The following CTNND1 variants were observed in gnomAD, a reference collection of about 807,000 sequenced individuals.
The protein encoded by CTNND1 is catenin delta-1.
A neutral mutation model predicts 112.1 loss-of-function variants in CTNND1; 16 were observed. That is an observed-to-expected ratio of 0.14 (90% CI 0.10 to 0.22). The LOEUF (loss-of-function observed/expected upper bound fraction) is 0.22. CTNND1 is among the 10% of genes least tolerant of loss of function. The pLI is 1.00. For synonymous variants in CTNND1, 420 were observed against 446.5 expected (o/e 0.94, Z 0.75); for missense variants, 1,008 against 1,257.0 (o/e 0.80, Z 3.00).
intron 1 of CTNND1, among the ~76,000 whole-genome samples, chr11:57,785,077 C>T (rs1033846402): frequency 5.3e-5 from 8 of 152,128 alleles, no homozygotes; most frequent in African/African-American, 1.9e-4. Flanking sequence ...TCTTTTGACC[C>T]CTAATCTGGA....
At chr11:57,811,332 C>A in intron 16 of CTNND1, 67 bp from the exon 17 acceptor site, 1 of 1,265,922 alleles carries the variant, frequency 7.9e-7, no homozygotes, top group Non-Finnish European at 1.1e-6. Flanking sequence ...AGGTTTATGC[C>A]CATTAGAGCA....
chr11:57,813,583 A>C (rs541472171), intron 17 of CTNND1, among the ~76,000 whole-genome samples: 1 of 152,368 alleles, frequency 6.6e-6, no homozygotes, highest in Non-Finnish European at 1.5e-5. Context: ...ATTCCACATT[A>C]CTGTCAACCT....
rs539528545 is a variant in CTNND1 at position 57,767,140 on chromosome 11, T to C, written c.-214+5021T>C. On this transcript the variant is annotated intron_variant, in intron 1 of 20. Coordinates refer to ENST00000399050, the MANE Select transcript of CTNND1 (RefSeq NM_001085458.2). ...GTGCGCGCCACCACGCCCTGCTAAT[T>C]TTTTGTATATTTAGTAGGGATGGGT... Among the ~76,000 whole-genome samples, 5 of 152,118 alleles carry C rather than the reference T, an allele frequency of 3.3e-5. No individual in the cohort carries two copies. In the East Asian group the frequency reaches 5.8e-4, roughly 18 times the overall value.
intron 1 of CTNND1, among the ~76,000 whole-genome samples, chr11:57,786,840 AC>A: frequency 6.6e-6 from 1 of 151,988 alleles, no homozygotes; most frequent in East Asian, 1.9e-4. Flanking sequence ...ACAAAGTAGA[AC>A]CCTTTTCTTT....
Position 57,796,787 on chromosome 11 carries a change from C to T in CTNND1, c.751C>T (p.Pro251Ser). 1.9e-6 allele frequency: 3 copies of T among 1,609,806 alleles called. No individual in the cohort carries two copies. Among genetic ancestry groups the T allele is most frequent in the South Asian group, 1.1e-5 (1 of 90,718 alleles). Residue 251 changes from proline (P) to serine (S), a missense_variant, in exon 6 of 21, where the codon CCT becomes TCT. Transcript: ENST00000399050. The part of the protein sequence containing the change: ...YRPSMEGYRA[P>S]SRQDVYGPQP... ...GCCCAGCATGGAAGGCTACCGGGCA[C>T]CTAGTAGACAGGATGTGTATGGGCC...
chr11:57,812,733 C>G lies in CTNND1; in HGVS notation c.2638+1247C>G, dbSNP rs543760396. ...GTCTCCCTATGTTACCCAGGCTGGTCTTGAACTCCTGGGGTCAAGCGATCC... is the reference window on the plus strand; with the variant it reads ...GTCTCCCTATGTTACCCAGGCTGGTGTTGAACTCCTGGGGTCAAGCGATCC... On this transcript the variant is annotated intron_variant, in intron 17 of 20. Coordinates refer to ENST00000399050, the MANE Select transcript of CTNND1 (RefSeq NM_001085458.2). Among the ~76,000 whole-genome samples the G allele has an allele frequency of 3.9e-5, 6 of 152,146 alleles. 1 individual carries two copies. The South Asian group carries it at 1.2e-3, about 32-fold the overall frequency.
At chr11:57,784,441 C>T (rs1488820248) in intron 1 of CTNND1, among the ~76,000 whole-genome samples, 1 of 150,522 alleles carries the variant, frequency 6.6e-6, no homozygotes, top group Non-Finnish European at 1.5e-5. Context: ...CCTAGAACGA[C>T]ATGGAAATGG....
chr11:57,778,651 G>A (rs1276138725), intron 1 of CTNND1, among the ~76,000 whole-genome samples: 1 of 152,236 alleles, frequency 6.6e-6, no homozygotes, highest in Non-Finnish European at 1.5e-5. Flanking sequence ...GGGGGCTCTG[G>A]CCCGTGATTG....
rs780710869 is a variant in CTNND1, at chr11:57,809,384, G to T, written c.2353G>T (p.Val785Phe). 1.9e-6 allele frequency: 3 copies of T among 1,613,822 alleles called. No homozygotes were observed. Among genetic ancestry groups the T allele is most frequent in the East Asian group, 4.5e-5 (2 of 44,896 alleles). ...VISILNTINEVIAENLEAAKK... is the reference protein window; with the variant it reads ...VISILNTINEFIAENLEAAKK... The stretch of plus-strand genomic sequence containing the variant: ...CTCTATTTTGAACACTATCAACGAG[G>T]TTATCGCTGAGAACTTGGAGGCTGC... Residue 785 changes from valine (V) to phenylalanine (F), a missense_variant, in exon 15 of 21, where the codon GTT (valine) becomes TTT (phenylalanine). Val to Phe is a conservative substitution (Grantham distance 50). This residue lies in a region of CTNND1 where 254 missense variants were observed against 279.5 expected (regional missense o/e 0.91). Transcript: ENST00000399050.
intron 4 of CTNND1, among the ~76,000 whole-genome samples, 173 bp from the exon 5 acceptor site, chr11:57,795,404 G>C (rs368814430): frequency 6.6e-6 from 1 of 152,168 alleles, no homozygotes; most frequent in African/African-American, 2.4e-5. Context: ...TATGTCTACT[G>C]TCCTTTTGTA....
chr11:57,812,542 T>C (rs1024016863), intron 17 of CTNND1, among the ~76,000 whole-genome samples: 3 of 152,052 alleles, frequency 2.0e-5, no homozygotes, highest in African/African-American at 7.2e-5. Flanking sequence ...AAAATCACTT[T>C]TATTGTTTTT....
intron 1 of CTNND1, among the ~76,000 whole-genome samples, chr11:57,777,944 G>A (rs867030950): frequency 1.3e-5 from 2 of 152,204 alleles, no homozygotes; most frequent in Admixed American, 6.5e-5. Context: ...ATAGAAAAAT[G>A]TATCATTTAT....
intron 1 of CTNND1, among the ~76,000 whole-genome samples, chr11:57,783,528 G>A (rs1476676691): frequency 1.1e-4 from 17 of 150,912 alleles, no homozygotes; most frequent in African/African-American, 1.7e-4. Context: ...GCGTGTTGGC[G>A]GGCGCCTGTG....
At chr11:57,766,618 A>G (rs1951132521) in intron 1 of CTNND1, among the ~76,000 whole-genome samples, 1 of 152,202 alleles carries the variant, frequency 6.6e-6, no homozygotes, top group Non-Finnish European at 1.5e-5. Context: ...GCTGCCTCCA[A>G]GGTTTCCAAT....
In CTNND1 at chr11:57,801,852, C is replaced by T; in HGVS notation, c.1076C>T (p.Pro359Leu). The T allele has an allele frequency of 1.2e-6, 2 of 1,614,018 alleles. No homozygotes were observed. The highest frequency in any genetic ancestry group is 1.7e-6 in the Non-Finnish European group (2 of 1,179,910). Reference protein sequence around the residue: ...SLDSLRKGGPPPPNWRQPELP... With the variant: ...SLDSLRKGGPLPPNWRQPELP... Reference sequence around the variant, plus strand: ...GATAGCCTGCGCAAAGGAGGGCCTCCACCTCCTAATTGGAGACAGCCAGAG... The same window carrying T: ...GATAGCCTGCGCAAAGGAGGGCCTCTACCTCCTAATTGGAGACAGCCAGAG... Residue 359 changes from proline (P) to leucine (L), a missense_variant, in exon 7 of 21, where the codon CCA (proline) becomes CTA (leucine). Physicochemically the swap from Pro to Leu is moderately conservative, Grantham distance 98 (BLOSUM62 -3). Transcript: ENST00000399050.
chr11:57,795,512 A>G, intron 4 of CTNND1, 65 bp from the exon 5 acceptor site: 4 of 1,525,000 alleles, frequency 2.6e-6, no homozygotes, highest in Non-Finnish European at 3.5e-6. Flanking sequence ...TATGCTTCTT[A>G]TTAGGATGGC....
Position 57,788,217 on chromosome 11 carries a change from CT to C in CTNND1, c.-213-811del, listed in dbSNP as rs551157035. 3.3e-5 allele frequency among the ~76,000 whole-genome samples: 5 copies of C among 151,120 alleles called. No homozygotes were observed. The highest frequency in any genetic ancestry group is 5.9e-5 in the Non-Finnish European group (4 of 67,734). On this transcript the variant is annotated intron_variant, in intron 1 of 20. Coordinates refer to ENST00000399050, the MANE Select transcript of CTNND1 (RefSeq NM_001085458.2). This position sits in a 1 kb window ranked among gnomAD's most constrained non-coding sequence, Gnocchi z 4.1. Reference sequence around the variant, plus strand: ...AGAAATGGAGATGAAAGGGGAGCACCTTTTTTTTTAAAATAAGGGTGCTTAT... The same window carrying C: ...AGAAATGGAGATGAAAGGGGAGCACCTTTTTTTTAAAATAAGGGTGCTTAT...
At chr11:57,791,730 C>T in intron 3 of CTNND1, 57 bp downstream of exon 3, 1 of 1,450,458 alleles carries the variant, frequency 6.9e-7, no homozygotes, top group Non-Finnish European at 9.1e-7. Flanking sequence ...CACAGAGAGG[C>T]TATGATCCTT....
intron 1 of CTNND1, among the ~76,000 whole-genome samples, chr11:57,779,401 G>GT (rs776427902): frequency 3.9e-5 from 6 of 152,106 alleles, no homozygotes; most frequent in Non-Finnish European, 8.8e-5. Flanking sequence ...CTTGTTTTGT[G>GT]TTTTCCCTGC....
Sources: allele counts gnomAD v4.1 joint callset (sites outside exome capture counted in the v4.1 genomes callset), GRCh38; gene constraint gnomAD v4.1.1; regional missense constraint gnomAD v4.1.1; non-coding constraint Gnocchi (gnomAD v3.1); transcripts MANE v1.5; gene names NCBI Gene and HGNC (gene_info 2026-07-23, HGNC 2026-07-21).